FHIT: variants seen among roughly 807,000 people sequenced by gnomAD.
FHIT encodes fragile histidine triad diadenosine triphosphatase, also known as bis(5'-adenosyl)-triphosphatase.
Under a neutral mutation model 17.9 loss-of-function variants are expected in FHIT, and 19 were observed. That is an observed-to-expected ratio of 1.06 (90% CI 0.74 to 1.56). FHIT has a LOEUF of 1.56. Ranked by LOEUF, FHIT falls within the 40% of genes most tolerant of loss-of-function variation. The pLI is 0.00. For missense variants in FHIT, 248 were observed against 189.2 expected (o/e 1.31, Z -1.82); for synonymous variants, 81 against 69.7 (o/e 1.16, Z -0.81).
chr3:60,449,604 C>G (rs1204801771), intron 5 of FHIT, among the ~76,000 whole-genome samples: 1 of 152,034 alleles, frequency 6.6e-6, no homozygotes, highest in Non-Finnish European at 1.5e-5. Context: ...ATTGCTCCTC[C>G]TAGATACAAA....
chr3:60,352,479 G>A (rs1280638944), intron 5 of FHIT, among the ~76,000 whole-genome samples: 1 of 152,002 alleles, frequency 6.6e-6, no homozygotes, highest in Admixed American at 6.6e-5. Flanking sequence ...AAAAAGCTAT[G>A]CTTTTTCTAA....
chr3:61,163,145 C>T (rs1399710417), intron 2 of FHIT, among the ~76,000 whole-genome samples: 1 of 152,168 alleles, frequency 6.6e-6, no homozygotes, highest in African/African-American at 2.4e-5. Context: ...TTCCCTCCTC[C>T]CCACTCCAGC....
Position 60,016,284 on chromosome 3 carries a change from G to GT in FHIT, c.104-2133dup, listed in dbSNP as rs555243086. The stretch of plus-strand genomic sequence containing the variant: ...TTCTCCCTATAATCTAGAGTATAGA[G>GT]TTTTTTTAGCAATAATATTTTTTAA... On this transcript the variant is annotated intron_variant, in intron 5 of 9. Transcript: ENST00000492590. 8.5e-5 allele frequency among the ~76,000 whole-genome samples: 13 copies of GT among 152,318 alleles called. No individual in the cohort carries two copies. The East Asian group carries it at 1.9e-3, about 23-fold the overall frequency.
At chr3:60,037,465 C>A (rs1454707122) in intron 5 of FHIT, among the ~76,000 whole-genome samples, 3 of 151,020 alleles carry the variant, frequency 2.0e-5, no homozygotes, top group Non-Finnish European at 2.9e-5. Flanking sequence ...TCACTGCAAC[C>A]TCCGCCTCCC....
chr3:60,000,273 T>C (rs1575852671), intron 7 of FHIT, among the ~76,000 whole-genome samples: 1 of 152,226 alleles, frequency 6.6e-6, no homozygotes, highest in South Asian at 2.1e-4. Context: ...CAGAGACAAC[T>C]GACTTAGACT....
intron 3 of FHIT, among the ~76,000 whole-genome samples, chr3:60,991,012 C>G (rs528275573): frequency 3.7e-4 from 56 of 152,002 alleles, no homozygotes; most frequent in African/African-American, 1.3e-3. Flanking sequence ...TCCAAATGAA[C>G]AAAATAAGTT....
intron 4 of FHIT, among the ~76,000 whole-genome samples, chr3:60,591,407 T>C (rs1256423584): frequency 1.3e-5 from 2 of 152,066 alleles, no homozygotes; most frequent in African/African-American, 2.4e-5. Flanking sequence ...CGTATTTTCC[T>C]TCCTTGGTGT....
At chr3:60,966,757 T>G (rs1425301319) in intron 3 of FHIT, among the ~76,000 whole-genome samples, 3 of 152,256 alleles carry the variant, frequency 2.0e-5, no homozygotes, top group Non-Finnish European at 4.4e-5. Context: ...GATGATAATT[T>G]AAACTGCAAT....
intron 4 of FHIT, among the ~76,000 whole-genome samples, chr3:60,661,010 T>C (rs1222133359): frequency 3.3e-5 from 5 of 152,114 alleles, no homozygotes; most frequent in African/African-American, 1.2e-4. Flanking sequence ...TTGTGGATTA[T>C]GCCTTTGGTG....
intron 3 of FHIT, among the ~76,000 whole-genome samples, chr3:61,015,149 C>T (rs1279276901): frequency 6.6e-6 from 1 of 152,000 alleles, no homozygotes; most frequent in Non-Finnish European, 1.5e-5. Context: ...AGACTAAGTG[C>T]TTCATCGACA....
intron 5 of FHIT, among the ~76,000 whole-genome samples, chr3:60,023,395 T>C (rs543123288): frequency 1.3e-4 from 20 of 152,344 alleles, no homozygotes; most frequent in Admixed American, 9.8e-4. Context: ...CCTGAGCACA[T>C]ACCTCCATAG....
chr3:59,882,266 T>A (rs1007454848), intron 8 of FHIT, among the ~76,000 whole-genome samples: 1 of 152,150 alleles, frequency 6.6e-6, no homozygotes, highest in Admixed American at 6.5e-5. Context: ...CACTTTAACA[T>A]GTTTGGAAGT....
At chr3:60,793,950 G>A (rs1181157661) in intron 4 of FHIT, among the ~76,000 whole-genome samples, 1 of 152,082 alleles carries the variant, frequency 6.6e-6, no homozygotes, top group South Asian at 2.1e-4. Context: ...TATGTTGAAA[G>A]GTACCAGGGC....
intron 5 of FHIT, among the ~76,000 whole-genome samples, chr3:60,189,041 A>T (rs1400986219): frequency 6.6e-6 from 1 of 152,124 alleles, no homozygotes; most frequent in African/African-American, 2.4e-5. Context: ...GAACACCAGC[A>T]TTTCTCTCCT....
chr3:60,836,665 A>G (rs1420938110), intron 3 of FHIT, among the ~76,000 whole-genome samples: 4 of 152,120 alleles, frequency 2.6e-5, no homozygotes, highest in Non-Finnish European at 5.9e-5. Flanking sequence ...CCAGATGCCC[A>G]CTGTTTACAG....
At chr3:60,566,913 G>T (rs1256368971) in intron 4 of FHIT, among the ~76,000 whole-genome samples, 1 of 146,174 alleles carries the variant, frequency 6.8e-6, no homozygotes. Flanking sequence ...GGATGTGAAG[G>T]ACCTCTTCAA....
At position 60,047,930 on chromosome 3, in the gene FHIT, C is replaced by A. The variant is rs966007745; in HGVS notation, c.104-33778G>T. Among the ~76,000 whole-genome samples, 7 of 152,146 alleles carry A rather than the reference C, an allele frequency of 4.6e-5. 1 individual carries two copies. On this transcript the variant is annotated intron_variant, in intron 5 of 9. Coordinates refer to ENST00000492590, the MANE Select transcript of FHIT (RefSeq NM_002012.4). ...TATCAGTTTGGTGGGGTTGCCATAA[C>A]CGTGAGTTGGGTGGCTTAAACAGCA...
chr3:60,648,933 T>C (rs1553687513), intron 4 of FHIT, among the ~76,000 whole-genome samples: 1 of 152,216 alleles, frequency 6.6e-6, no homozygotes. Context: ...GAGGAATTAA[T>C]AGTCCAACTT....
intron 4 of FHIT, among the ~76,000 whole-genome samples, chr3:60,693,433 G>A (rs2041039281): frequency 6.6e-6 from 1 of 152,112 alleles, no homozygotes; most frequent in South Asian, 2.1e-4. Context: ...GATGCTAGTA[G>A]AAGCAAGATT....
Sources: allele counts gnomAD v4.1 joint callset (sites outside exome capture counted in the v4.1 genomes callset), GRCh38; gene constraint gnomAD v4.1.1; transcripts MANE v1.5; gene names NCBI Gene and HGNC (gene_info 2026-07-23, HGNC 2026-07-21).